ABR: variants seen among roughly 807,000 people sequenced by gnomAD.
The protein encoded by ABR is active breakpoint cluster region-related protein.
A neutral mutation model predicts 107.2 loss-of-function variants in ABR; 35 were observed. That is an observed-to-expected ratio of 0.33 (90% CI 0.25 to 0.43). The LOEUF is 0.43. Among genes scored for constraint, ABR ranks in the 20% least tolerant of loss-of-function variants. ABR has a pLI of 1.00. For synonymous variants in ABR, 498 were observed against 462.0 expected (o/e 1.08, Z -1.00); for missense variants, 815 against 1,115.2 (o/e 0.73, Z 3.83).
In ABR at chr17:1,109,051, C is replaced by T. The variant is rs764016197; in HGVS notation, c.247-8316G>A. ...GAACCTTGTCCAGCAAGCCTATCGCCTCCTCTTCCTCCTCCATGGCAGCCG... is the reference window on the plus strand; with the variant it reads ...GAACCTTGTCCAGCAAGCCTATCGCTTCCTCTTCCTCCTCCATGGCAGCCG... On this transcript the variant is annotated intron_variant, in intron 2 of 22. Transcript: ENST00000302538. 2.3e-5 allele frequency: 36 copies of T among 1,595,308 alleles called. No individual in the cohort carries two copies. The Admixed American group carries it at 5.8e-4, about 26-fold the overall frequency.
intron 1 of ABR, among the ~76,000 whole-genome samples, chr17:1,159,525 ATGCGGTACT>A: frequency 1.0e-5 from 1 of 95,434 alleles, no homozygotes; most frequent in Non-Finnish European, 2.3e-5. Flanking sequence ...AGAAGTAGGA[ATGCGGTACT>A]CACACACGGG....
chr17:1,154,567 T>G lies in ABR; in HGVS notation c.61+25100A>C, dbSNP rs1453564004. 1 of 152,058 alleles carries G rather than the reference T, an allele frequency of 6.6e-6. No homozygotes were observed. The highest frequency in any genetic ancestry group is 1.9e-4 in the East Asian group (1 of 5,164). 9.4% of individuals were successfully genotyped at this position (152,058 alleles called of 1,614,324 possible). Reference sequence around the variant, plus strand: ...TACCTCCTCTGCACGGAAGGCACACTAGCTGAGAGCCCGTTCAAGCATCCA... The same window carrying G: ...TACCTCCTCTGCACGGAAGGCACACGAGCTGAGAGCCCGTTCAAGCATCCA... On this transcript the variant is annotated intron_variant, in intron 1 of 22. Transcript: ENST00000302538. This position sits in a 1 kb window ranked among gnomAD's most constrained non-coding sequence, Gnocchi z 4.0.
At position 1,006,022 on chromosome 17, in the gene ABR, T is replaced by A; in HGVS notation, c.*58A>T. The A allele has an allele frequency of 6.9e-7, 1 of 1,440,178 alleles. No homozygotes were observed. The highest frequency in any genetic ancestry group is 9.6e-7 in the Non-Finnish European group (1 of 1,046,076). The allele number at this position is 1,440,178 out of a possible 1,614,324, so 89.2% of individuals were successfully genotyped here. On this transcript the variant is annotated 3_prime_UTR_variant, in exon 23 of 23. Transcript: ENST00000302538. ...CTATTGCAGTCTTTCAAGTCTGAGTTGGACCCCAGGCTGGAGGGGCTGGTT... is the reference window on the plus strand; with the variant it reads ...CTATTGCAGTCTTTCAAGTCTGAGTAGGACCCCAGGCTGGAGGGGCTGGTT...
At chr17:1,162,773 C>T (rs966756078) in intron 1 of ABR, among the ~76,000 whole-genome samples, 2 of 151,938 alleles carry the variant, frequency 1.3e-5, no homozygotes, top group African/African-American at 2.4e-5. Flanking sequence ...ACCTGTCATC[C>T]CAGCACTTTG....
At chr17:1,212,328 G>A (rs1391943324) in intron 1 of ABR, among the ~76,000 whole-genome samples, 1 of 152,062 alleles carries the variant, frequency 6.6e-6, no homozygotes, top group Non-Finnish European at 1.5e-5. Flanking sequence ...CTACTTGAGA[G>A]GCTGAAGTGG....
intron 1 of ABR, among the ~76,000 whole-genome samples, chr17:1,205,987 G>T (rs774065632): frequency 1.3e-5 from 2 of 149,350 alleles, no homozygotes; most frequent in African/African-American, 5.0e-5. Context: ...GTGGTGGCGC[G>T]CACCTGTAGT....
At chr17:1,112,019 C>T (rs1299293785) in intron 2 of ABR, among the ~76,000 whole-genome samples, 2 of 152,218 alleles carry the variant, frequency 1.3e-5, no homozygotes, top group Non-Finnish European at 2.9e-5. Flanking sequence ...CCTCAACCCC[C>T]ACATCCCTTT....
intron 1 of ABR, among the ~76,000 whole-genome samples, chr17:1,175,368 C>T (rs2041883583): frequency 6.6e-6 from 1 of 152,146 alleles, no homozygotes; most frequent in Non-Finnish European, 1.5e-5. Context: ...GCCGAGATCG[C>T]ACCGCCGCAC....
At chr17:1,144,601 A>AAAG (rs1487926054) in intron 1 of ABR, among the ~76,000 whole-genome samples, 1 of 150,038 alleles carries the variant, frequency 6.7e-6, no homozygotes. Flanking sequence ...AAAAAAAAAA[A>AAAG]GGGGCAGGGG....
intron 1 of ABR, among the ~76,000 whole-genome samples, chr17:1,226,655 C>T (rs1156468544): frequency 6.8e-6 from 1 of 148,044 alleles, no homozygotes; most frequent in Non-Finnish European, 1.5e-5. Flanking sequence ...TGAATGTGTG[C>T]ATGTATGTAT....
upstream of ABR, among the ~76,000 whole-genome samples, chr17:1,188,734 C>A (rs72816212): frequency 6.6e-6 from 1 of 151,992 alleles, no homozygotes; most frequent in African/African-American, 2.4e-5. Flanking sequence ...TCCCATCTCA[C>A]CCCCAGCTGG....
rs939341967 is a variant in ABR, at chr17:1,012,351, G to T, written c.1961+337C>A. On this transcript the variant is annotated intron_variant, in intron 18 of 22. Transcript: ENST00000302538. ...GGGCCAGGGTGGTGGTGAACCGGGG[G>T]ACACGTGCCCTTTCCCGAGGGGCCG... 9.3e-6 allele frequency: 6 copies of T among 646,370 alleles called. No individual in the cohort carries two copies. The African/African-American group carries it at 1.1e-4, about 12-fold the overall frequency. 40.0% of individuals were successfully genotyped at this position (646,370 alleles called of 1,614,324 possible).
chr17:1,073,653 C>T lies in ABR; in HGVS notation c.725G>A (p.Arg242Gln), dbSNP rs767566925. Residue 242 changes from arginine (R) to glutamine (Q), a missense_variant, in exon 7 of 23, where the codon CGG (arginine) becomes CAG (glutamine). By Grantham distance (43) the Arg-to-Gln change is conservative. Coordinates refer to ENST00000302538, the MANE Select transcript of ABR (RefSeq NM_021962.5). Reference protein sequence around the residue: ...MEALLYKPIDRVTRSTLVLHD... With the variant: ...MEALLYKPIDQVTRSTLVLHD... Reference sequence around the variant, plus strand: ...TAGGACTAGGGTGCTCCGAGTGACCCGGTCAATGGGCTTGTAGAGCAGAGC... The same window carrying T: ...TAGGACTAGGGTGCTCCGAGTGACCTGGTCAATGGGCTTGTAGAGCAGAGC... The T allele has an allele frequency of 3.7e-6, 6 of 1,605,202 alleles. No individual in the cohort carries two copies. The highest frequency in any genetic ancestry group is 2.2e-5 in the East Asian group (1 of 44,742).
At chr17:1,111,330 G>A (rs191207587) in intron 2 of ABR, among the ~76,000 whole-genome samples, 5 of 152,228 alleles carry the variant, frequency 3.3e-5, no homozygotes, top group East Asian at 1.9e-4. Flanking sequence ...CCCTGTCCCC[G>A]GTGGCTGGAA....
chr17:1,188,697 G>T (rs1467525839), upstream of ABR, among the ~76,000 whole-genome samples: 1 of 152,186 alleles, frequency 6.6e-6, no homozygotes, highest in Admixed American at 6.5e-5. Flanking sequence ...TACCTGGTTG[G>T]GGAAAACAGG....
intron 1 of ABR, 87 bp from the exon 2 acceptor site, chr17:1,125,454 C>T: frequency 6.5e-7 from 1 of 1,527,000 alleles, no homozygotes; most frequent in Non-Finnish European, 9.0e-7. Context: ...GCGGCGGCCC[C>T]CGGCAGCCAT....
At chr17:1,075,492 G>A (rs1347463324) in intron 6 of ABR, among the ~76,000 whole-genome samples, 1 of 152,242 alleles carries the variant, frequency 6.6e-6, no homozygotes, top group East Asian at 1.9e-4. Context: ...TGCTGGCTGT[G>A]AAGAAAATGC....
intron 1 of ABR, among the ~76,000 whole-genome samples, chr17:1,208,013 C>T (rs1598128232): frequency 6.6e-6 from 1 of 152,194 alleles, no homozygotes. Context: ...TCAGGTGATC[C>T]ACCCGCTTCG....
intron 1 of ABR, among the ~76,000 whole-genome samples, chr17:1,172,031 G>A (rs966209837): frequency 9.9e-5 from 15 of 152,212 alleles, no homozygotes; most frequent in African/African-American, 3.6e-4. Flanking sequence ...GGCTGACTCT[G>A]ACATTTTCCA....
Sources: allele counts gnomAD v4.1 joint callset (sites outside exome capture counted in the v4.1 genomes callset), GRCh38; gene constraint gnomAD v4.1.1; non-coding constraint Gnocchi (gnomAD v3.1); transcripts MANE v1.5; gene names NCBI Gene and HGNC (gene_info 2026-07-23, HGNC 2026-07-21).